Variants in PLXNA4 observed in about 807,000 individuals in gnomAD.
PLXNA4 encodes the protein plexin A4.
PLXNA4 carries 44 observed loss-of-function variants against 191.8 expected under a neutral mutation model. The observed-to-expected ratio is 0.23, with a 90% CI of 0.18 to 0.29. The LOEUF (loss-of-function observed/expected upper bound fraction) is 0.29, where lower values mean the gene tolerates loss of function less well. Ranked by LOEUF, PLXNA4 falls within the 10% of genes least tolerant of loss-of-function variation. The pLI is 1.00. For synonymous variants in PLXNA4, 1,082 were observed against 1,009.5 expected (o/e 1.07, Z -1.36); for missense variants, 1,800 against 2,488.8 (o/e 0.72, Z 5.89).
At chr7:132,396,413 G>A (rs780152776) in intron 3 of PLXNA4, among the ~76,000 whole-genome samples, 3 of 152,190 alleles carry the variant, frequency 2.0e-5, no homozygotes, top group Non-Finnish European at 4.4e-5. Flanking sequence ...AGGAAGCTAA[G>A]CCACAGAGAG....
At chr7:132,328,676 G>C (rs943596925) in intron 3 of PLXNA4, among the ~76,000 whole-genome samples, 2 of 152,174 alleles carry the variant, frequency 1.3e-5, no homozygotes, top group Non-Finnish European at 2.9e-5. Context: ...GAGCAGGAGA[G>C]CATGGGCTTG....
At chr7:132,524,933 G>T (rs1283773014) in intron 1 of PLXNA4, among the ~76,000 whole-genome samples, 3 of 152,060 alleles carry the variant, frequency 2.0e-5, no homozygotes, top group African/African-American at 7.2e-5. Flanking sequence ...TTACATAAAA[G>T]TTACAATCTT....
chr7:132,451,486 T>C (rs1796123483), intron 3 of PLXNA4, among the ~76,000 whole-genome samples: 1 of 152,082 alleles, frequency 6.6e-6, no homozygotes, highest in Non-Finnish European at 1.5e-5. Context: ...ACTCGGGAAG[T>C]TGGGAAAATA....
At chr7:132,346,941 G>A (rs778193761) in intron 3 of PLXNA4, among the ~76,000 whole-genome samples, 1 of 152,224 alleles carries the variant, frequency 6.6e-6, no homozygotes, top group Non-Finnish European at 1.5e-5. Flanking sequence ...TCAGTAGTGA[G>A]AGGATGACAT....
At chr7:132,593,752 C>G (rs1802649307) in intron 2 of PLXNA4, among the ~76,000 whole-genome samples, 1 of 152,170 alleles carries the variant, frequency 6.6e-6, no homozygotes, top group African/African-American at 2.4e-5. Flanking sequence ...CCTTTCAGTC[C>G]CCAGAGAGGG....
At chr7:132,208,622 CT>C (rs1797702006) in intron 10 of PLXNA4, among the ~76,000 whole-genome samples, 1 of 152,192 alleles carries the variant, frequency 6.6e-6, no homozygotes, top group Non-Finnish European at 1.5e-5. Context: ...CCAACAGGGG[CT>C]GGAAGTAGAA....
chr7:132,563,330 C>CTTT (rs1801436470), intron 1 of PLXNA4, among the ~76,000 whole-genome samples: 1 of 110,638 alleles, frequency 9.0e-6, no homozygotes, highest in African/African-American at 3.8e-5. Flanking sequence ...CCTTCTCCTC[C>CTTT]TCCTCCTTCT....
chr7:132,491,158 G>A (rs183729057), intron 2 of PLXNA4, among the ~76,000 whole-genome samples: 7 of 152,282 alleles, frequency 4.6e-5, no homozygotes, highest in African/African-American at 9.6e-5. Flanking sequence ...AACAATCCCC[G>A]CTCTTTGATG....
At chr7:132,407,141 T>C (rs1323825749) in intron 3 of PLXNA4, among the ~76,000 whole-genome samples, 1 of 152,218 alleles carries the variant, frequency 6.6e-6, no homozygotes, top group African/African-American at 2.4e-5. Context: ...ATTCTGGTAG[T>C]CCTGCCTGAC....
At chr7:132,145,365 A>G in intron 28 of PLXNA4, 77 bp from the exon 29 acceptor site, 3 of 1,591,230 alleles carry the variant, frequency 1.9e-6, no homozygotes, top group Non-Finnish European at 1.7e-6. Context: ...TGCCTCACAG[A>G]CCTAGGCAGG....
At chr7:132,646,831 A>G (rs769928035) in intron 1 of PLXNA4, among the ~76,000 whole-genome samples, 1 of 152,126 alleles carries the variant, frequency 6.6e-6, no homozygotes, top group African/African-American at 2.4e-5. Flanking sequence ...TCACAGACAC[A>G]CGGCCACACA....
chr7:132,513,834 C>T (rs1481979619), intron 1 of PLXNA4, among the ~76,000 whole-genome samples: 4 of 151,152 alleles, frequency 2.6e-5, no homozygotes, highest in African/African-American at 4.9e-5. Flanking sequence ...ACCACCATGC[C>T]TGGCTAATTT....
chr7:132,228,968 C>T (rs1485151028), intron 5 of PLXNA4, among the ~76,000 whole-genome samples: 1 of 152,174 alleles, frequency 6.6e-6, no homozygotes, highest in African/African-American at 2.4e-5. Context: ...CTCCTGCCCA[C>T]CCTAGGCAAA....
chr7:132,529,970 C>T (rs1020946342), intron 1 of PLXNA4, among the ~76,000 whole-genome samples: 6 of 152,146 alleles, frequency 3.9e-5, no homozygotes, highest in East Asian at 1.9e-4. Context: ...AACCCTGTCA[C>T]GTGCAGATGA....
At chr7:132,452,523 C>T (rs983256042) in intron 3 of PLXNA4, among the ~76,000 whole-genome samples, 12 of 152,202 alleles carry the variant, frequency 7.9e-5, no homozygotes, top group African/African-American at 2.9e-4. Flanking sequence ...TTTCTAGTCT[C>T]GCATCTCTCC....
chr7:132,258,014 A>T (rs902979326), intron 4 of PLXNA4, among the ~76,000 whole-genome samples: 3 of 152,234 alleles, frequency 2.0e-5, no homozygotes, highest in Admixed American at 6.5e-5. Flanking sequence ...GTGTAGCTGG[A>T]AAAGGGTCAT....
At chr7:132,235,670 GC>G (rs1434273345) in intron 5 of PLXNA4, among the ~76,000 whole-genome samples, 1 of 152,166 alleles carries the variant, frequency 6.6e-6, no homozygotes, top group Non-Finnish European at 1.5e-5. Context: ...GAAAGGTAAC[GC>G]CTGGGCCAAT....
At chr7:132,241,301 T>C (rs1798868823) in intron 4 of PLXNA4, 135 bp from the exon 5 acceptor site, 2 of 603,734 alleles carry the variant, frequency 3.3e-6, no homozygotes, top group Non-Finnish European at 5.9e-6. Context: ...TGGAGCCCAG[T>C]GTGGGAAGGG....
chr7:132,368,697 G>A (rs561977312), intron 3 of PLXNA4, among the ~76,000 whole-genome samples: 1 of 152,204 alleles, frequency 6.6e-6, no homozygotes, highest in Non-Finnish European at 1.5e-5. Context: ...ATCAACAGTT[G>A]TAGATGAGGC....
Sources: gnomAD v4.1 joint callset for allele counts (sites outside exome capture counted in the v4.1 genomes callset) on GRCh38, gnomAD v4.1.1 for gene constraint, MANE v1.5 for transcripts, NCBI Gene and HGNC (gene_info 2026-07-23, HGNC 2026-07-21) for gene names.